The following DLGAP1 variants were observed in gnomAD, a reference collection of about 807,000 sequenced individuals.
DLGAP1 encodes the protein DLG associated protein 1, also known as disks large-associated protein 1.
In DLGAP1, 11 loss-of-function variants were observed where a neutral mutation model predicts 90.8. The observed-to-expected ratio is 0.12, with a 90% CI of 0.08 to 0.20. DLGAP1 has a LOEUF of 0.20. Among genes scored for constraint, DLGAP1 ranks in the 10% least tolerant of loss-of-function variants. The pLI, the probability that DLGAP1 is intolerant of heterozygous loss-of-function variation, is 1.00. For synonymous variants in DLGAP1, 558 were observed against 540.7 expected (o/e 1.03, Z -0.44); for missense variants, 1,050 against 1,333.8 (o/e 0.79, Z 3.31).
chr18:4,010,746 G>A (rs2074402530), intron 2 of DLGAP1, among the ~76,000 whole-genome samples: 1 of 152,018 alleles, frequency 6.6e-6, no homozygotes, highest in African/African-American at 2.4e-5. Flanking sequence ...AGGTGGGGAT[G>A]CTACTACTTC....
At chr18:4,320,936 A>T (rs2080671343) in intron 1 of DLGAP1, among the ~76,000 whole-genome samples, 1 of 152,216 alleles carries the variant, frequency 6.6e-6, no homozygotes, top group Non-Finnish European at 1.5e-5. Flanking sequence ...CCTTCATAAC[A>T]CTTTTAATTC....
At chr18:3,549,259 T>G (rs975143347) in intron 9 of DLGAP1, among the ~76,000 whole-genome samples, 1 of 151,676 alleles carries the variant, frequency 6.6e-6, no homozygotes, top group African/African-American at 2.4e-5. Context: ...CATTTTTTAG[T>G]GTCTGTCCTT....
chr18:4,422,318 T>C (rs1437303546), intron 1 of DLGAP1, among the ~76,000 whole-genome samples: 1 of 151,946 alleles, frequency 6.6e-6, no homozygotes, highest in South Asian at 2.1e-4. Context: ...TAATTCACCA[T>C]ATTGTCAAAT....
At chr18:3,651,812 T>G (rs7407835) in intron 7 of DLGAP1, among the ~76,000 whole-genome samples, 51,815 of 151,622 alleles carry the variant, frequency 0.34, 10,554 homozygotes, top group African/African-American at 0.58. Flanking sequence ...GTCTCTACTA[T>G]AAATACAAAA....
In DLGAP1 at chr18:3,660,945, A is replaced by G. The variant is rs1471491769; in HGVS notation, c.1591+68190T>C. Among the ~76,000 whole-genome samples the G allele has an allele frequency of 6.6e-6, 1 of 152,266 alleles. No individual in the cohort carries two copies. Among genetic ancestry groups the G allele is most frequent in the Non-Finnish European group, 1.5e-5 (1 of 68,058 alleles). ...CACAGGAAACTGTATGATAAGGCAC[A>G]ATAGAGAAAGAGGAACTAAAAAAGA... On this transcript the variant is annotated intron_variant, in intron 7 of 12. Coordinates refer to ENST00000315677, the MANE Select transcript of DLGAP1 (RefSeq NM_004746.4). This position sits in a 1 kb window ranked among gnomAD's most constrained non-coding sequence, Gnocchi z 4.2.
intron 1 of DLGAP1, among the ~76,000 whole-genome samples, chr18:4,399,119 C>G (rs371335269): frequency 6.6e-6 from 1 of 152,140 alleles, no homozygotes; most frequent in African/African-American, 2.4e-5. Flanking sequence ...CGTGAGCCAC[C>G]GCACCAGGCC....
chr18:3,507,775 C>T (rs1480357933), intron 11 of DLGAP1, among the ~76,000 whole-genome samples: 6 of 125,702 alleles, frequency 4.8e-5, no homozygotes, highest in Non-Finnish European at 9.6e-5. Context: ...AAGTCTCACT[C>T]TGTCCCCCAA....
chr18:4,350,710 T>G (rs1486940495), intron 1 of DLGAP1, among the ~76,000 whole-genome samples: 1 of 152,214 alleles, frequency 6.6e-6, no homozygotes, highest in Non-Finnish European at 1.5e-5. Context: ...ATATATTTTT[T>G]GTCCATTATA....
intron 1 of DLGAP1, among the ~76,000 whole-genome samples, chr18:4,160,385 A>G (rs2076824501): frequency 1.3e-5 from 2 of 152,158 alleles, no homozygotes; most frequent in Admixed American, 6.5e-5. Flanking sequence ...TGCCTTTCAC[A>G]TCTCTTTCAG....
chr18:3,792,818 T>C (rs1007689104), intron 5 of DLGAP1, among the ~76,000 whole-genome samples: 2 of 152,210 alleles, frequency 1.3e-5, no homozygotes, highest in African/African-American at 4.8e-5. Flanking sequence ...TGGTCCTGCC[T>C]GACCCCTCAG....
At chr18:4,231,619 T>G (rs1435060615) in intron 1 of DLGAP1, among the ~76,000 whole-genome samples, 1 of 149,754 alleles carries the variant, frequency 6.7e-6, no homozygotes, top group African/African-American at 2.4e-5. Context: ...TTCAGTTCTA[T>G]TTTTTTTTTA....
intron 3 of DLGAP1, among the ~76,000 whole-genome samples, chr18:3,944,803 G>A (rs1167262313): frequency 1.3e-5 from 2 of 152,138 alleles, no homozygotes; most frequent in Admixed American, 1.3e-4. Context: ...GGCCTTTGAG[G>A]TGGATGGAAG....
chr18:3,650,567 C>A (rs1366141534), intron 7 of DLGAP1, among the ~76,000 whole-genome samples: 1 of 152,196 alleles, frequency 6.6e-6, no homozygotes, highest in African/African-American at 2.4e-5. Context: ...CCAGCCTCCA[C>A]GTCATTTTTA....
At chr18:4,258,745 T>C (rs2078946910) in intron 1 of DLGAP1, among the ~76,000 whole-genome samples, 1 of 152,190 alleles carries the variant, frequency 6.6e-6, no homozygotes, top group Non-Finnish European at 1.5e-5. Context: ...CTCCTTATTG[T>C]AGTGCATTTA....
chr18:3,587,470 T>C (rs906883840), intron 7 of DLGAP1, among the ~76,000 whole-genome samples: 1 of 152,124 alleles, frequency 6.6e-6, no homozygotes, highest in Non-Finnish European at 1.5e-5. Flanking sequence ...TAAAGGATTG[T>C]AAACGCACCA....
intron 1 of DLGAP1, among the ~76,000 whole-genome samples, chr18:4,207,232 G>C (rs1008650197): frequency 6.6e-6 from 1 of 152,172 alleles, no homozygotes; most frequent in Non-Finnish European, 1.5e-5. Flanking sequence ...CAACAATGGC[G>C]AAAGGTGAAG....
At chr18:3,837,927 G>A (rs1479181513) in intron 4 of DLGAP1, among the ~76,000 whole-genome samples, 2 of 138,968 alleles carry the variant, frequency 1.4e-5, no homozygotes, top group Non-Finnish European at 3.1e-5. Flanking sequence ...TCTCTCTCTT[G>A]ATTTTATGAT....
chr18:4,009,124 C>G (rs2074366568), intron 2 of DLGAP1, among the ~76,000 whole-genome samples: 1 of 152,138 alleles, frequency 6.6e-6, no homozygotes, highest in Admixed American at 6.5e-5. Flanking sequence ...AGGATGGTTT[C>G]GATCTCCTGA....
intron 7 of DLGAP1, among the ~76,000 whole-genome samples, chr18:3,668,346 A>C (rs1409537561): frequency 6.6e-6 from 1 of 152,030 alleles, no homozygotes; most frequent in Non-Finnish European, 1.5e-5. Flanking sequence ...AGGGTCTCAC[A>C]CTGTCATCCA....
Sources: gnomAD v4.1 joint callset for allele counts (sites outside exome capture counted in the v4.1 genomes callset) on GRCh38, gnomAD v4.1.1 for gene constraint, Gnocchi (gnomAD v3.1) non-coding constraint, MANE v1.5 for transcripts, NCBI Gene and HGNC (gene_info 2026-07-23, HGNC 2026-07-21) for gene names.